Variants in SNED1 observed in about 807,000 individuals in gnomAD.
The protein encoded by SNED1 is sushi, nidogen and EGF-like domain-containing protein 1.
SNED1 carries 81 observed loss-of-function variants against 166.7 expected under a neutral mutation model. That is an observed-to-expected ratio of 0.49 (90% CI 0.41 to 0.58). The LOEUF is 0.58. Among genes scored for constraint, SNED1 ranks in the 20% least tolerant of loss-of-function variants. The pLI, the probability that SNED1 is intolerant of heterozygous loss-of-function variation, is 0.00. For missense variants in SNED1, 1,604 were observed against 2,000.2 expected, an observed-to-expected ratio of 0.80 and a Z score of 3.78; for synonymous variants, 762 against 822.0, an observed-to-expected ratio of 0.93 and a Z score of 1.25.
At chr2:241,088,223 G>GTCTGGACTT in intron 30 of SNED1, 142 bp from the exon 31 acceptor site, 1 of 687,616 alleles carries the variant, frequency 1.5e-6, no homozygotes, top group Non-Finnish European at 2.7e-6. Flanking sequence ...CCACAGCGGT[G>GTCTGGACTT]TCTGGACTAA....
chr2:241,041,919 A>G (rs778935214), intron 8 of SNED1, among the ~76,000 whole-genome samples: 2 of 152,188 alleles, frequency 1.3e-5, no homozygotes, highest in African/African-American at 2.4e-5. Flanking sequence ...AGAAAAACAG[A>G]CAAAATCTGT....
intron 21 of SNED1, among the ~76,000 whole-genome samples, chr2:241,066,624 T>TGATG (rs2062461156): frequency 9.0e-6 from 1 of 111,144 alleles, no homozygotes; most frequent in Non-Finnish European, 2.2e-5. Flanking sequence ...CGAAGTGGCG[T>TGATG]GATGGATGGA....
In SNED1 at chr2:241,073,613, A is replaced by G. The variant is rs2062858204; in HGVS notation, c.3916+249A>G. ...ACCCAAACCACCCAGAGTCTGAGCTAGAGAGACTGGCTTTGATGCTGCCTC... is the reference window on the plus strand; with the variant it reads ...ACCCAAACCACCCAGAGTCTGAGCTGGAGAGACTGGCTTTGATGCTGCCTC... On this transcript the variant is annotated intron_variant, in intron 27 of 31. Coordinates refer to ENST00000310397, the MANE Select transcript of SNED1 (RefSeq NM_001080437.3). This position sits in a 1 kb window ranked among gnomAD's most constrained non-coding sequence, Gnocchi z 6.6. The G allele has an allele frequency of 1.1e-5, 6 of 545,542 alleles. No homozygotes were observed. The highest frequency in any genetic ancestry group is 8.8e-5 in the East Asian group (3 of 34,178). The allele number at this position is 545,542 out of a possible 1,614,324, so 33.8% of individuals were successfully genotyped here. A position where few individuals can be genotyped will look rare whatever the true frequency, so the allele number is the denominator to read the frequency against.
Position 241,051,479 on chromosome 2 carries a change from A to T in SNED1, c.1736-265A>T. On this transcript the variant is annotated intron_variant, in intron 12 of 31. Coordinates refer to ENST00000310397, the MANE Select transcript of SNED1 (RefSeq NM_001080437.3). The surrounding 1 kb of genome is among the most constrained non-coding windows in gnomAD (Gnocchi z 4.7). ...GGCCGGTTCTCCACAGGAAGGGCCC[A>T]GCCATTGCCAGAGCCTGGGCAGAAA... 2.7e-6 allele frequency: 1 copy of T among 376,632 alleles called. No homozygotes were observed. The highest frequency in any genetic ancestry group is 4.7e-6 in the Non-Finnish European group (1 of 211,068). The allele number at this position is 376,632 out of a possible 1,614,324, so 23.3% of individuals were successfully genotyped here. A position where few individuals can be genotyped will look rare whatever the true frequency, so the allele number is the denominator to read the frequency against.
chr2:241,040,539 A>G, intron 8 of SNED1, 126 bp downstream of exon 8: 1 of 652,156 alleles, frequency 1.5e-6, no homozygotes, highest in Non-Finnish European at 2.6e-6. Flanking sequence ...CTGGGGTGGG[A>G]GGATGCCTCT....
intron 1 of SNED1, among the ~76,000 whole-genome samples, chr2:241,006,623 A>C (rs560569548): frequency 6.6e-6 from 1 of 152,392 alleles, no homozygotes; most frequent in South Asian, 2.1e-4. Context: ...ATAACTTCAT[A>C]GCACATATTT....
chr2:241,034,462 TG>T, intron 3 of SNED1, 105 bp from the exon 4 acceptor site: 3 of 1,096,272 alleles, frequency 2.7e-6, no homozygotes, highest in Non-Finnish European at 3.9e-6. Context: ...AGGACCTGGC[TG>T]GGAGGTTGCC....
In SNED1 at chr2:241,049,149, G is replaced by A. The variant is rs370129015; in HGVS notation, c.1618+14G>A. On this transcript the variant is annotated intron_variant, in intron 11 of 31. Coordinates refer to ENST00000310397, the MANE Select transcript of SNED1 (RefSeq NM_001080437.3). ...ATGCCAGCCACTGTGAGTAGCTCGG[G>A]GACGAGCCTGCTGGGCCGGGGGCCC... The A allele has an allele frequency of 3.8e-6, 6 of 1,598,812 alleles. No homozygotes were observed. In the South Asian group the frequency reaches 6.7e-5, roughly 18 times the overall value.
rs1466698720 is a variant in SNED1 at position 241,013,356 on chromosome 2, A to G, written c.213+14306A>G. On this transcript the variant is annotated intron_variant, in intron 1 of 31. Coordinates refer to ENST00000310397, the MANE Select transcript of SNED1 (RefSeq NM_001080437.3). This position sits in a 1 kb window ranked among gnomAD's most constrained non-coding sequence, Gnocchi z 4.6. ...GGGTCTCACTCTGTCACCAGGCTGG[A>G]GTGCAGTGGCCTGAGCCTAGCTCAC... Among the ~76,000 whole-genome samples the G allele has an allele frequency of 6.6e-6, 1 of 152,042 alleles. No homozygotes were observed. The highest frequency in any genetic ancestry group is 1.5e-5 in the Non-Finnish European group (1 of 68,000).
chr2:241,014,421 G>A (rs1439150406), intron 1 of SNED1, among the ~76,000 whole-genome samples: 1 of 152,190 alleles, frequency 6.6e-6, no homozygotes, highest in Non-Finnish European at 1.5e-5. Flanking sequence ...TGCTGTGTGT[G>A]GATGCTGCCC....
At chr2:241,061,324 A>AT (rs2062222524) in intron 16 of SNED1, among the ~76,000 whole-genome samples, 1 of 152,244 alleles carries the variant, frequency 6.6e-6, no homozygotes. Context: ...AATGAGGTAC[A>AT]TTCAGCTGGT....
intron 29 of SNED1, 109 bp downstream of exon 29, chr2:241,082,473 A>G (rs567286712): frequency 1.3e-6 from 1 of 758,352 alleles, no homozygotes; most frequent in South Asian, 1.9e-5. Context: ...CGATGGCTGC[A>G]GTCACAGAAG....
chr2:241,014,439 C>T (rs1170661735), intron 1 of SNED1, among the ~76,000 whole-genome samples: 1 of 152,214 alleles, frequency 6.6e-6, no homozygotes, highest in Non-Finnish European at 1.5e-5. Flanking sequence ...CCCAGGGCCA[C>T]ACCCCGGCCG....
Position 241,072,098 on chromosome 2 carries a change from AGTGT to A in SNED1, c.3817+224_3817+227del, listed in dbSNP as rs531910864. The A allele has an allele frequency of 8.3e-5, 58 of 700,010 alleles. No individual in the cohort carries two copies. In the Middle Eastern group the frequency reaches 1.4e-3, roughly 17 times the overall value. The allele number at this position is 700,010 out of a possible 1,614,324, so 43.4% of individuals were successfully genotyped here. A position where few individuals can be genotyped will look rare whatever the true frequency, so the allele number is the denominator to read the frequency against. On this transcript the variant is annotated intron_variant, in intron 26 of 31. Transcript: ENST00000310397. ...GGGCAGCTCGTGAGGGCCTCACGTC[AGTGT>A]GTGGGCTGGAGGCGCAGGCTGCTGG...
intron 21 of SNED1, among the ~76,000 whole-genome samples, chr2:241,067,464 C>T (rs889419937): frequency 1.2e-4 from 18 of 152,228 alleles, no homozygotes; most frequent in Non-Finnish European, 5.9e-5. Context: ...CGGCCCATCC[C>T]CTGCCATGTC....
chr2:241,036,573 TC>T (rs1171615264), intron 4 of SNED1, among the ~76,000 whole-genome samples: 1 of 152,046 alleles, frequency 6.6e-6, no homozygotes, highest in African/African-American at 2.4e-5. Context: ...CGAAGCCACC[TC>T]CCCAGAGGCC....
rs2060464305 is a variant in SNED1, at chr2:241,013,037, T to C, written c.213+13987T>C. The stretch of plus-strand genomic sequence containing the variant: ...TTTCAGTAGAGACAGGGTTTCACCA[T>C]GTTAGCCAGGATGGTCTCGATCTCC... On this transcript the variant is annotated intron_variant, in intron 1 of 31. Transcript: ENST00000310397. The surrounding 1 kb of genome is among the most constrained non-coding windows in gnomAD (Gnocchi z 4.6). Among the ~76,000 whole-genome samples the C allele has an allele frequency of 6.6e-6, 1 of 152,138 alleles. No homozygotes were observed. The highest frequency in any genetic ancestry group is 2.1e-4 in the South Asian group (1 of 4,824).
chr2:241,057,380 A>AAAAAAAAAAAATATATATATAT (rs377141068), intron 16 of SNED1, among the ~76,000 whole-genome samples: 3 of 118,114 alleles, frequency 2.5e-5, no homozygotes, highest in African/African-American at 1.1e-4. Flanking sequence ...TCCATCTCAA[A>AAAAAAAAAAAATATATATATAT]ATATATATAT....
intron 27 of SNED1, among the ~76,000 whole-genome samples, chr2:241,076,786 C>T (rs935833114): frequency 3.3e-5 from 5 of 150,690 alleles, no homozygotes; most frequent in Admixed American, 3.3e-4. Flanking sequence ...GCCTGTAATC[C>T]GTGGAAAAGA....
Sources: allele counts gnomAD v4.1 joint callset (sites outside exome capture counted in the v4.1 genomes callset), GRCh38; gene constraint gnomAD v4.1.1; non-coding constraint Gnocchi (gnomAD v3.1); transcripts MANE v1.5; gene names NCBI Gene and HGNC (gene_info 2026-07-23, HGNC 2026-07-21).